EVA1C: variants seen among roughly 807,000 people sequenced by gnomAD.
EVA1C encodes the protein eva-1 homolog C, also known as protein eva-1 homolog C.
Under a neutral mutation model 45.4 loss-of-function variants are expected in EVA1C, and 25 were observed. That is an observed-to-expected ratio of 0.55 (90% CI 0.40 to 0.77). EVA1C has a LOEUF of 0.77. EVA1C is among the 30% of genes least tolerant of loss of function. The probability of loss-of-function intolerance (pLI) is 0.00; values close to 1 mark genes in which losing one functional copy is unlikely to be tolerated. For synonymous variants in EVA1C, 190 were observed against 221.2 expected (o/e 0.86, Z 1.25); for missense variants, 479 against 554.8 (o/e 0.86, Z 1.37).
chr21:32,431,259 G>A (rs933732322), intron 1 of EVA1C, among the ~76,000 whole-genome samples: 14 of 152,182 alleles, frequency 9.2e-5, no homozygotes, highest in Non-Finnish European at 1.9e-4. Flanking sequence ...CTGACCCAAC[G>A]TCTCCCATCT....
chr21:32,428,667 T>G (rs2034581523), intron 1 of EVA1C: 1 of 152,222 alleles, frequency 6.6e-6, no homozygotes, highest in South Asian at 2.1e-4. Context: ...TACCCACATA[T>G]TCTCTTTCCG....
At chr21:32,461,108 G>A (rs946536220) in intron 3 of EVA1C, among the ~76,000 whole-genome samples, 2 of 152,218 alleles carry the variant, frequency 1.3e-5, no homozygotes, top group African/African-American at 4.8e-5. Flanking sequence ...AGTGATGATG[G>A]AGCTGAGAAC....
rs540105946 is a variant in EVA1C, at chr21:32,440,339, G to A, written c.161-12973G>A. ...GAAGAAAAGAAAAGAAAATTGTTCCGTTTAGTTGCTTGGGGTAAAGGGGGA... is the reference window on the plus strand; with the variant it reads ...GAAGAAAAGAAAAGAAAATTGTTCCATTTAGTTGCTTGGGGTAAAGGGGGA... On this transcript the variant is annotated intron_variant, in intron 1 of 7. Transcript: ENST00000300255. 2.6e-5 allele frequency among the ~76,000 whole-genome samples: 4 copies of A among 152,292 alleles called. No individual in the cohort carries two copies. In the East Asian group the frequency reaches 5.8e-4, roughly 22 times the overall value.
chr21:32,494,787 A>AC (rs1486600579), intron 4 of EVA1C, among the ~76,000 whole-genome samples: 1 of 151,890 alleles, frequency 6.6e-6, no homozygotes. Context: ...GTTTCAAAAA[A>AC]AAAAAAAAAT....
intron 5 of EVA1C, among the ~76,000 whole-genome samples, chr21:32,499,259 T>C (rs1270475204): frequency 2.6e-5 from 4 of 152,166 alleles, no homozygotes; most frequent in Admixed American, 6.5e-5. Context: ...AGCTGACACT[T>C]CCTAGGATTC....
intron 1 of EVA1C, among the ~76,000 whole-genome samples, chr21:32,439,290 A>G (rs1219186592): frequency 3.3e-5 from 5 of 151,240 alleles, no homozygotes; most frequent in Non-Finnish European, 4.4e-5. Context: ...CAAAGGAAGG[A>G]TGAAGGGGAG....
At chr21:32,434,593 AAAATAAATAAAT>A (rs202142414) in intron 1 of EVA1C, among the ~76,000 whole-genome samples, 83,204 of 146,826 alleles carry the variant, frequency 0.57, 26,612 homozygotes, top group African/African-American at 0.86. Flanking sequence ...TCCGTCTCAA[AAAATAAATAAAT>A]AAATAAATAA....
intron 3 of EVA1C, among the ~76,000 whole-genome samples, chr21:32,460,756 C>CTTCTTTT (rs10525276): frequency 1.3e-5 from 2 of 149,770 alleles, no homozygotes; most frequent in African/African-American, 4.9e-5. Context: ...ACAGAAGAAT[C>CTTCTTTT]TTTTTTTTGG....
chr21:32,480,373 C>T (rs970058881), intron 4 of EVA1C, among the ~76,000 whole-genome samples: 2 of 149,304 alleles, frequency 1.3e-5, no homozygotes, highest in Non-Finnish European at 3.0e-5. Flanking sequence ...TAAAATATTG[C>T]TTATTTAAAA....
chr21:32,460,728 G>C (rs2035966018), intron 3 of EVA1C, among the ~76,000 whole-genome samples: 1 of 151,504 alleles, frequency 6.6e-6, no homozygotes, highest in Admixed American at 6.6e-5. Context: ...GAGGCACTTG[G>C]TACTACGCAA....
intron 4 of EVA1C, among the ~76,000 whole-genome samples, chr21:32,476,620 A>G (rs537375509): frequency 2.4e-4 from 36 of 152,180 alleles, no homozygotes; most frequent in African/African-American, 8.2e-4. Flanking sequence ...CAGCCTGGAC[A>G]ACAAGAGTGA....
In EVA1C at chr21:32,412,950, C is replaced by A. The variant is rs1054407811; in HGVS notation, c.97C>A (p.Arg33Ser). 10 of 1,555,908 alleles carry A rather than the reference C, an allele frequency of 6.4e-6. No homozygotes were observed. The African/African-American group carries it at 8.5e-5, about 13-fold the overall frequency. Reference sequence around the variant, plus strand: ...GGTAGAGCCGCCGGGGCAGCTCCTGCGCCTCTTCTACTGCACTGTCCTGGT... The same window carrying A: ...GGTAGAGCCGCCGGGGCAGCTCCTGAGCCTCTTCTACTGCACTGTCCTGGT... ...RQVEPPGQLL[R>S]LFYCTVLVCS... The change falls in exon 1 of 8, where the codon CGC (arginine) becomes AGC (serine). Residue 33 changes from arginine to serine, a missense_variant. Coordinates refer to ENST00000300255, the MANE Select transcript of EVA1C (RefSeq NM_058187.5).
At chr21:32,502,621 T>C (rs1164597764) in intron 6 of EVA1C, among the ~76,000 whole-genome samples, 1 of 152,130 alleles carries the variant, frequency 6.6e-6, no homozygotes, top group Non-Finnish European at 1.5e-5. Context: ...CCCCCCTAAG[T>C]ATAAAAGTAA....
intron 7 of EVA1C, among the ~76,000 whole-genome samples, chr21:32,508,014 C>T (rs993648173): frequency 6.6e-6 from 1 of 151,024 alleles, no homozygotes; most frequent in African/African-American, 2.4e-5. Flanking sequence ...TGTACGCATG[C>T]ATGTGTGTGC....
At chr21:32,504,793 G>A (rs2037670086) in intron 7 of EVA1C, among the ~76,000 whole-genome samples, 1 of 152,172 alleles carries the variant, frequency 6.6e-6, no homozygotes, top group African/African-American at 2.4e-5. Context: ...TGTCTCAGAG[G>A]AAAATAGAGG....
At chr21:32,438,391 G>A (rs1439852602) in intron 1 of EVA1C, among the ~76,000 whole-genome samples, 1 of 151,364 alleles carries the variant, frequency 6.6e-6, no homozygotes, top group Non-Finnish European at 1.5e-5. Context: ...CAGCTACTCG[G>A]GAGGCTGAGG....
chr21:32,417,611 A>G (rs577074327), intron 1 of EVA1C, among the ~76,000 whole-genome samples: 5 of 152,306 alleles, frequency 3.3e-5, no homozygotes, highest in Admixed American at 3.3e-4. Context: ...CAATAAATAA[A>G]CCTGACTGAT....
chr21:32,510,520 A>G (rs2037913016), intron 7 of EVA1C, among the ~76,000 whole-genome samples: 1 of 152,210 alleles, frequency 6.6e-6, no homozygotes, highest in South Asian at 2.1e-4. Flanking sequence ...CTTTTGCACT[A>G]CAATAGCAGA....
chr21:32,475,879 T>TATCTATC (rs1555867880), intron 4 of EVA1C, among the ~76,000 whole-genome samples: 1 of 100,484 alleles, frequency 1.0e-5, no homozygotes, highest in Non-Finnish European at 2.0e-5. Flanking sequence ...TCTAAAAACT[T>TATCTATC]TATCTATCTA....
Sources: gnomAD v4.1 joint callset for allele counts (sites outside exome capture counted in the v4.1 genomes callset) on GRCh38, gnomAD v4.1.1 for gene constraint, MANE v1.5 for transcripts, NCBI Gene and HGNC (gene_info 2026-07-23, HGNC 2026-07-21) for gene names.